Variants in CSMD1 observed in about 807,000 individuals in gnomAD.
The protein encoded by CSMD1 is CUB and sushi domain-containing protein 1.
Under a neutral mutation model 417.5 loss-of-function variants are expected in CSMD1, and 213 were observed. That is an observed-to-expected ratio of 0.51 (90% CI 0.46 to 0.57). The LOEUF is 0.57. Among genes scored for constraint, CSMD1 ranks in the 20% least tolerant of loss-of-function variants. The pLI is 0.00. For missense variants in CSMD1, 6,923 were observed against 4,529.7 expected (o/e 1.53, Z -15.17); for synonymous variants, 2,862 against 1,736.8 (o/e 1.65, Z -16.11).
intron 11 of CSMD1, among the ~76,000 whole-genome samples, chr8:3,474,702 G>A (rs76895516): frequency 0.033 from 5,023 of 152,120 alleles, 271 homozygotes; most frequent in East Asian, 0.18. Context: ...TGAAGTCACA[G>A]TTTCCAAAGA....
intron 3 of CSMD1, among the ~76,000 whole-genome samples, chr8:4,365,755 C>T (rs920637262): frequency 4.6e-5 from 7 of 152,134 alleles, no homozygotes; most frequent in South Asian, 4.1e-4. Context: ...TAGCTGACTC[C>T]GGTGACCGAA....
chr8:3,988,628 A>G (rs1017535134), intron 5 of CSMD1, among the ~76,000 whole-genome samples: 1 of 152,210 alleles, frequency 6.6e-6, no homozygotes, highest in African/African-American at 2.4e-5. Context: ...GGAACGTTTA[A>G]TAGATAAATA....
intron 2 of CSMD1, among the ~76,000 whole-genome samples, chr8:4,569,832 T>A (rs775622313): frequency 1.3e-5 from 2 of 152,228 alleles, no homozygotes; most frequent in Non-Finnish European, 2.9e-5. Flanking sequence ...CACTGATTTG[T>A]AGTTCTCCTT....
intron 3 of CSMD1, among the ~76,000 whole-genome samples, chr8:4,168,687 T>C (rs1285142071): frequency 6.6e-6 from 1 of 152,132 alleles, no homozygotes; most frequent in Non-Finnish European, 1.5e-5. Context: ...AAAAATGCTG[T>C]TATTAATTCT....
At chr8:4,864,655 A>T (rs535462000) in intron 1 of CSMD1, among the ~76,000 whole-genome samples, 2 of 151,912 alleles carry the variant, frequency 1.3e-5, no homozygotes, top group East Asian at 3.9e-4. Context: ...ACACACAAGC[A>T]GATATTAATA....
Position 2,974,554 on chromosome 8 carries a change from G to A in CSMD1, c.8637C>T (p.Ala2879=), listed in dbSNP as rs375155191. Residue 2879 remains alanine, a synonymous_variant, in exon 56 of 70, where the codon GCC becomes GCT. Transcript: ENST00000635120. ...TCCCTCTGCAGGAGTAGTGCACGAC[G>A]GCGCCATAGGTAAACAGCTCTCCAG... ...VLTGELFTYG[A]VVHYSCRGSE... is the part of the protein sequence containing the mutation. 70 of 1,613,182 alleles carry A rather than the reference G, an allele frequency of 4.3e-5. No homozygotes were observed. The Admixed American group carries it at 1.0e-3, about 23-fold the overall frequency.
chr8:4,882,001 C>A lies in CSMD1; in HGVS notation c.85+112331G>T, dbSNP rs531740564. On this transcript the variant is annotated intron_variant, in intron 1 of 69. Transcript: ENST00000635120. ...CTCAGCTATACCTGGAAAGAAATCTCAGCCCTTCCAACACTTATTTGCAAT... is the reference window on the plus strand; with the variant it reads ...CTCAGCTATACCTGGAAAGAAATCTAAGCCCTTCCAACACTTATTTGCAAT... Among the ~76,000 whole-genome samples, 3 of 152,218 alleles carry A rather than the reference C, an allele frequency of 2.0e-5. No homozygotes were observed. In the South Asian group the frequency reaches 6.2e-4, roughly 31 times the overall value.
At chr8:4,442,521 G>A (rs893146671) in intron 2 of CSMD1, among the ~76,000 whole-genome samples, 7 of 152,050 alleles carry the variant, frequency 4.6e-5, no homozygotes, top group African/African-American at 1.7e-4. Flanking sequence ...CCTTATGTCT[G>A]TTTACCTGAA....
intron 1 of CSMD1, among the ~76,000 whole-genome samples, chr8:4,893,246 TAATA>T (rs1390314066): frequency 2.6e-5 from 4 of 152,122 alleles, no homozygotes; most frequent in Non-Finnish European, 5.9e-5. Flanking sequence ...ATTGCCTACT[TAATA>T]TTTTTCCAAT....
At chr8:3,107,963 T>C (rs1585368449) in intron 44 of CSMD1, among the ~76,000 whole-genome samples, 165 bp from the exon 45 acceptor site, 1 of 152,172 alleles carries the variant, frequency 6.6e-6, no homozygotes, top group African/African-American at 2.4e-5. Flanking sequence ...GCTTCAAATG[T>C]TCATATTATT....
chr8:4,386,662 G>A (rs1267019871), intron 3 of CSMD1, among the ~76,000 whole-genome samples: 2 of 152,214 alleles, frequency 1.3e-5, no homozygotes, highest in African/African-American at 2.4e-5. Flanking sequence ...CTTTCAGGAA[G>A]ATTACCTGAT....
chr8:3,530,167 T>A (rs966097860), intron 10 of CSMD1, among the ~76,000 whole-genome samples: 6 of 152,182 alleles, frequency 3.9e-5, no homozygotes, highest in South Asian at 2.1e-4. Flanking sequence ...TCTATTCATC[T>A]CTCCTCCAAT....
chr8:3,292,396 C>G (rs1441567573), intron 25 of CSMD1, among the ~76,000 whole-genome samples: 1 of 152,042 alleles, frequency 6.6e-6, no homozygotes, highest in African/African-American at 2.4e-5. Flanking sequence ...AACTTTCTGT[C>G]TCGTTGATCT....
At chr8:4,680,830 T>A (rs531924060) in intron 1 of CSMD1, among the ~76,000 whole-genome samples, 3 of 152,076 alleles carry the variant, frequency 2.0e-5, no homozygotes, top group African/African-American at 4.8e-5. Context: ...TCCACCCGCC[T>A]TGGCCTCCCA....
Position 4,447,922 on chromosome 8 carries a change from A to G in CSMD1, c.303-27857T>C, listed in dbSNP as rs540301576. ...GATTACTCATCTTTCGGAAATGACG[A>G]CAATTACCACACTCACCATATTTTT... On this transcript the variant is annotated intron_variant, in intron 2 of 69. Coordinates refer to ENST00000635120, the MANE Select transcript of CSMD1 (RefSeq NM_033225.6). Among the ~76,000 whole-genome samples the G allele has an allele frequency of 2.0e-5, 3 of 152,328 alleles. No individual in the cohort carries two copies. The South Asian group carries it at 6.2e-4, about 32-fold the overall frequency.
chr8:3,720,620 T>TACACACACAC (rs1554520854), intron 6 of CSMD1, among the ~76,000 whole-genome samples: 2,773 of 143,338 alleles, frequency 0.019, 97 homozygotes, highest in African/African-American at 0.069. Flanking sequence ...TCTTTATTCT[T>TACACACACAC]ACACACACAC....
chr8:4,298,994 T>C (rs907694004), intron 3 of CSMD1, among the ~76,000 whole-genome samples: 2 of 152,102 alleles, frequency 1.3e-5, no homozygotes, highest in African/African-American at 4.8e-5. Flanking sequence ...TTTGCAGATC[T>C]ACTGATGTTA....
intron 65 of CSMD1, among the ~76,000 whole-genome samples, chr8:2,952,579 C>A (rs1341248705): frequency 1.3e-5 from 2 of 152,166 alleles, no homozygotes; most frequent in African/African-American, 4.8e-5. Context: ...ATTTTAGACA[C>A]ATCTGCTTAG....
intron 51 of CSMD1, among the ~76,000 whole-genome samples, chr8:3,023,134 T>A (rs1809581478): frequency 1.3e-5 from 2 of 152,118 alleles, no homozygotes; most frequent in African/African-American, 2.4e-5. Flanking sequence ...ACGAAATACA[T>A]CTGCTGATAA....
Sources: gnomAD v4.1 joint callset for allele counts (sites outside exome capture counted in the v4.1 genomes callset) on GRCh38, gnomAD v4.1.1 for gene constraint, MANE v1.5 for transcripts, NCBI Gene and HGNC (gene_info 2026-07-23, HGNC 2026-07-21) for gene names.